MCTP1: variants seen among roughly 807,000 people sequenced by gnomAD.
MCTP1 encodes the protein multiple C2 and transmembrane domain containing 1.
Under a neutral mutation model 120.6 loss-of-function variants are expected in MCTP1, and 69 were observed. The ratio of observed to expected loss-of-function variants is 0.57; its 90% CI spans 0.47 to 0.70. MCTP1 has a LOEUF of 0.70. Among genes scored for constraint, MCTP1 ranks in the 30% least tolerant of loss-of-function variants. The probability of loss-of-function intolerance (pLI) is 0.00; values close to 1 mark genes in which losing one functional copy is unlikely to be tolerated. For synonymous variants in MCTP1, 529 were observed against 493.1 expected (o/e 1.07, Z -0.96); for missense variants, 1,203 against 1,248.8 (o/e 0.96, Z 0.55).
chr5:95,042,842 T>C (rs1387659383), intron 1 of MCTP1, among the ~76,000 whole-genome samples: 1 of 152,208 alleles, frequency 6.6e-6, no homozygotes, highest in African/African-American at 2.4e-5. Flanking sequence ...ACACTTAGTA[T>C]TCTATTGAAT....
At chr5:95,281,154 G>A (rs908880201) in intron 1 of MCTP1, among the ~76,000 whole-genome samples, 2 of 152,210 alleles carry the variant, frequency 1.3e-5, no homozygotes, top group East Asian at 3.8e-4. Flanking sequence ...TACTGTGCTT[G>A]TGAACTGTGA....
At chr5:95,269,923 T>C (rs1759224995) in intron 1 of MCTP1, among the ~76,000 whole-genome samples, 1 of 152,238 alleles carries the variant, frequency 6.6e-6, no homozygotes, top group Non-Finnish European at 1.5e-5. Flanking sequence ...TTTGAGATGC[T>C]GTACATAGAA....
chr5:94,896,997 A>G (rs996023277), intron 10 of MCTP1, among the ~76,000 whole-genome samples: 28 of 152,174 alleles, frequency 1.8e-4, no homozygotes, highest in Non-Finnish European at 4.0e-4. Flanking sequence ...GTAACCATGC[A>G]TCCCAGGAAG....
At chr5:94,914,788 T>G (rs1406951642) in intron 8 of MCTP1, among the ~76,000 whole-genome samples, 1 of 152,224 alleles carries the variant, frequency 6.6e-6, no homozygotes, top group Non-Finnish European at 1.5e-5. Context: ...CACATTGGAT[T>G]TTGTTGAACA....
At chr5:95,033,891 T>C (rs556346727) in intron 1 of MCTP1, among the ~76,000 whole-genome samples, 4 of 152,196 alleles carry the variant, frequency 2.6e-5, no homozygotes, top group African/African-American at 7.2e-5. Flanking sequence ...AGAAGATCAA[T>C]GTACACAAGT....
At position 94,902,288 on chromosome 5, in the gene MCTP1, T is replaced by G. The variant is rs891302430; in HGVS notation, c.1652+6963A>C. 8.5e-5 allele frequency among the ~76,000 whole-genome samples: 13 copies of G among 152,166 alleles called. No individual in the cohort carries two copies. In the South Asian group the frequency reaches 1.0e-3, roughly 12 times the overall value. On this transcript the variant is annotated intron_variant, in intron 10 of 22. Coordinates refer to ENST00000515393, the MANE Select transcript of MCTP1 (RefSeq NM_024717.7). ...CTTGAGCTCTATGTCAGCCACGATA[T>G]AGCTCACAAAGCAGTGGTACTAGAA... is the stretch of plus-strand genomic sequence containing the variant.
intron 2 of MCTP1, among the ~76,000 whole-genome samples, chr5:94,987,315 G>T (rs1830599404): frequency 6.6e-6 from 1 of 152,066 alleles, no homozygotes; most frequent in South Asian, 2.1e-4. Context: ...GGCTTTGCAG[G>T]GTACTGTGGT....
chr5:95,279,200 C>A (rs1760114307), intron 1 of MCTP1, among the ~76,000 whole-genome samples: 1 of 151,962 alleles, frequency 6.6e-6, no homozygotes, highest in Non-Finnish European at 1.5e-5. Flanking sequence ...CTTTAGGTAT[C>A]AAAAATATAT....
At chr5:94,806,978 T>C (rs1391839274) in intron 17 of MCTP1, among the ~76,000 whole-genome samples, 1 of 152,206 alleles carries the variant, frequency 6.6e-6, no homozygotes, top group African/African-American at 2.4e-5. Flanking sequence ...CTAATTTCAA[T>C]TCATTTTTTT....
chr5:94,917,786 C>G (rs891482198), intron 8 of MCTP1, 110 bp downstream of exon 8: 4 of 695,064 alleles, frequency 5.8e-6, no homozygotes, highest in Non-Finnish European at 1.0e-5. Context: ...TTCATATCTA[C>G]AAAATAGGTT....
intron 1 of MCTP1, among the ~76,000 whole-genome samples, chr5:95,044,297 GA>G (rs1842813469): frequency 6.6e-6 from 1 of 152,196 alleles, no homozygotes; most frequent in East Asian, 1.9e-4. Flanking sequence ...GCTGCCACAG[GA>G]AAAAAGCAGG....
intron 19 of MCTP1, among the ~76,000 whole-genome samples, chr5:94,738,045 C>T (rs1764666817): frequency 6.6e-6 from 1 of 152,192 alleles, no homozygotes; most frequent in East Asian, 1.9e-4. Flanking sequence ...TCTCAAGCCA[C>T]GAATAATGCG....
In MCTP1 at chr5:94,888,884, A is replaced by G; in HGVS notation, c.1928T>C (p.Val643Ala). The change falls in exon 12 of 23, where the codon GTC becomes GCC. Residue 643 changes from valine to alanine, a missense_variant. Transcript: ENST00000515393. Reference sequence around the variant, plus strand: ...AGAATTGCATCATCTCTTACCAGTGACGTCGGCAGCCATTAACCCTTCCGC... The same window carrying G: ...AGAATTGCATCATCTCTTACCAGTGGCGTCGGCAGCCATTAACCCTTCCGC... ...IRAEGLMAAD[V>A]TGKSDPFCVV... 2 of 1,606,260 alleles carry G rather than the reference A, an allele frequency of 1.2e-6. No homozygotes were observed. Among genetic ancestry groups the G allele is most frequent in the Non-Finnish European group, 1.7e-6 (2 of 1,172,948 alleles).
intron 1 of MCTP1, among the ~76,000 whole-genome samples, chr5:95,163,173 T>C (rs1366217607): frequency 2.0e-5 from 3 of 152,092 alleles, no homozygotes; most frequent in Non-Finnish European, 1.5e-5. Flanking sequence ...AGATTTAGTA[T>C]AGTGAAGGAA....
In MCTP1 at chr5:95,047,241, G is replaced by A. The variant is rs74519546; in HGVS notation, c.721-29757C>T. Among the ~76,000 whole-genome samples the A allele has an allele frequency of 6.1e-3, 930 of 152,194 alleles. 4 individuals are homozygous for A. The highest frequency in any genetic ancestry group is 1.0e-2 in the Admixed American group (152 of 15,272). On this transcript the variant is annotated intron_variant, in intron 1 of 22. Coordinates refer to ENST00000515393, the MANE Select transcript of MCTP1 (RefSeq NM_024717.7). ...ACTTTGTCTACTTTGTCTACATAGAGCCTCTACCACTATGGCCTTAGTGAC... is the reference window on the plus strand; with the variant it reads ...ACTTTGTCTACTTTGTCTACATAGAACCTCTACCACTATGGCCTTAGTGAC...
intron 1 of MCTP1, among the ~76,000 whole-genome samples, chr5:95,150,128 G>C (rs115211959): frequency 0.017 from 2,585 of 152,180 alleles, 66 homozygotes; most frequent in African/African-American, 0.059. Flanking sequence ...GAACCCATTT[G>C]TTTTTATATT....
At chr5:94,768,135 G>T (rs887719343) in intron 19 of MCTP1, among the ~76,000 whole-genome samples, 6 of 152,042 alleles carry the variant, frequency 3.9e-5, no homozygotes, top group Admixed American at 6.5e-5. Context: ...ACAGAGGTAT[G>T]AAGAGCATAA....
intron 1 of MCTP1, among the ~76,000 whole-genome samples, chr5:95,167,920 T>C (rs1384574412): frequency 6.6e-6 from 1 of 152,246 alleles, no homozygotes; most frequent in Non-Finnish European, 1.5e-5. Flanking sequence ...TTTGTCAATT[T>C]TGGCTTTTGT....
chr5:95,065,425 G>C (rs1176817497), intron 1 of MCTP1, among the ~76,000 whole-genome samples: 2 of 151,908 alleles, frequency 1.3e-5, no homozygotes, highest in African/African-American at 4.8e-5. Context: ...TGACCAATAT[G>C]GGTTTATTCC....
Sources: gnomAD v4.1 joint callset for allele counts (sites outside exome capture counted in the v4.1 genomes callset) on GRCh38, gnomAD v4.1.1 for gene constraint, MANE v1.5 for transcripts, NCBI Gene and HGNC (gene_info 2026-07-23, HGNC 2026-07-21) for gene names.